Variants in KIAA1549 observed in about 807,000 individuals in gnomAD.
KIAA1549 encodes the protein KIAA1549, also known as UPF0606 protein KIAA1549.
Under a neutral mutation model 156.4 loss-of-function variants are expected in KIAA1549, and 70 were observed. The ratio of observed to expected loss-of-function variants is 0.45; its 90% confidence interval spans 0.37 to 0.55. The LOEUF is 0.55. KIAA1549 is among the 20% of genes least tolerant of loss of function. KIAA1549 has a pLI of 0.00. For synonymous variants in KIAA1549, 1,103 were observed against 1,066.4 expected (o/e 1.03, Z -0.67); for missense variants, 2,428 against 2,540.9 (o/e 0.96, Z 0.96).
intron 12 of KIAA1549, among the ~76,000 whole-genome samples, chr7:138,876,982 A>AAT (rs1296642020): frequency 6.6e-6 from 1 of 152,166 alleles, no homozygotes. Flanking sequence ...GTGGGTCCTT[A>AAT]ATATGCCACA....
At chr7:138,914,283 C>A (rs1024739326) in intron 2 of KIAA1549, among the ~76,000 whole-genome samples, 2 of 152,194 alleles carry the variant, frequency 1.3e-5, no homozygotes, top group East Asian at 3.8e-4. Context: ...TATGAGGACA[C>A]CAGTCTTTGG....
chr7:138,943,251 C>G (rs12707405), intron 1 of KIAA1549, among the ~76,000 whole-genome samples: 1 of 151,918 alleles, frequency 6.6e-6, no homozygotes, highest in Admixed American at 6.6e-5. Flanking sequence ...GTGAAGGCGC[C>G]GTTCTCATCT....
chr7:138,901,847 A>C (rs1811852379), intron 8 of KIAA1549, among the ~76,000 whole-genome samples: 1 of 152,218 alleles, frequency 6.6e-6, no homozygotes, highest in Non-Finnish European at 1.5e-5. Context: ...CTCTAAGGGG[A>C]GGAGAAGCAG....
At chr7:138,914,856 C>T (rs893106662) in intron 2 of KIAA1549, among the ~76,000 whole-genome samples, 4 of 152,146 alleles carry the variant, frequency 2.6e-5, no homozygotes, top group African/African-American at 9.7e-5. Flanking sequence ...TAAGTGTACA[C>T]CACATATGAA....
intron 1 of KIAA1549, among the ~76,000 whole-genome samples, chr7:138,921,441 T>C (rs1344977142): frequency 6.6e-6 from 1 of 152,212 alleles, no homozygotes; most frequent in Non-Finnish European, 1.5e-5. Flanking sequence ...CCAATATTCC[T>C]ATGTTGAAAT....
intron 1 of KIAA1549, among the ~76,000 whole-genome samples, chr7:138,927,922 CT>C (rs1200610758): frequency 2.5e-3 from 347 of 139,076 alleles, no homozygotes; most frequent in Middle Eastern, 7.4e-3. Context: ...ATTGTCTTGT[CT>C]TTTTTTTTTT....
In KIAA1549 at chr7:138,869,481, C is replaced by T. The variant is rs1476780199; in HGVS notation, c.4775+57G>A. 14 of 1,351,628 alleles carry T rather than the reference C, an allele frequency of 1.0e-5. No individual in the cohort carries two copies. The South Asian group carries it at 1.8e-4, about 17-fold the overall frequency. The allele number at this position is 1,351,628 out of a possible 1,614,324, so 83.7% of individuals were successfully genotyped here. On this transcript the variant is annotated intron_variant, in intron 14 of 19. Transcript: ENST00000422774. ...GAGGGGCTCCTGTCCTGCTCCTGTG[C>T]CCCCCGCAGCACCTCTGCGCGCCCG...
chr7:138,972,570 C>A (rs78966324), intron 1 of KIAA1549, among the ~76,000 whole-genome samples: 6,884 of 152,060 alleles, frequency 0.045, 199 homozygotes, highest in South Asian at 0.12. Flanking sequence ...CTTTCCCAGA[C>A]ACACTGGAAC....
At chr7:138,868,921 G>T (rs4308681) in intron 14 of KIAA1549, among the ~76,000 whole-genome samples, 1 of 152,154 alleles carries the variant, frequency 6.6e-6, no homozygotes, top group Non-Finnish European at 1.5e-5. Flanking sequence ...GGCCTGCGAC[G>T]GGAGCACAGG....
intron 1 of KIAA1549, among the ~76,000 whole-genome samples, chr7:138,945,414 T>A (rs935853892): frequency 2.0e-5 from 3 of 152,228 alleles, no homozygotes; most frequent in African/African-American, 7.2e-5. Flanking sequence ...GTCTAAGTAC[T>A]ACCTCTGGGT....
intron 15 of KIAA1549, among the ~76,000 whole-genome samples, chr7:138,863,811 C>G (rs1172236142): frequency 6.6e-6 from 1 of 152,154 alleles, no homozygotes; most frequent in East Asian, 1.9e-4. Context: ...CCATTTCTCC[C>G]AACTGCAACA....
At chr7:138,943,414 C>CAAAT (rs1451636428) in intron 1 of KIAA1549, among the ~76,000 whole-genome samples, 3 of 152,190 alleles carry the variant, frequency 2.0e-5, no homozygotes, top group African/African-American at 7.2e-5. Context: ...AAACACCACC[C>CAAAT]AAATGAATAA....
intron 1 of KIAA1549, among the ~76,000 whole-genome samples, chr7:138,945,442 TTCA>T (rs1455425740): frequency 6.6e-6 from 1 of 152,244 alleles, no homozygotes; most frequent in African/African-American, 2.4e-5. Flanking sequence ...ATCTGCTGTG[TTCA>T]GCTCTCAGCT....
rs1049859598 is a variant in KIAA1549, at chr7:138,837,867, A to T, written c.*39T>A. On this transcript the variant is annotated 3_prime_UTR_variant, in exon 20 of 20. Coordinates refer to ENST00000422774, the MANE Select transcript of KIAA1549 (RefSeq NM_001164665.2). ...GATTTCCTTTTGGTCTTGCTTCCAC[A>T]GGAAGCGGATACTTGGCAAATCTGC... 13 of 1,597,300 alleles carry T rather than the reference A, an allele frequency of 8.1e-6. No homozygotes were observed. Among genetic ancestry groups the T allele is most frequent in the Non-Finnish European group, 9.4e-6 (11 of 1,171,386 alleles).
chr7:138,894,481 T>C lies in KIAA1549; in HGVS notation c.3893A>G (p.Asn1298Ser), dbSNP rs748671904. The change falls in exon 10 of 20, where the codon AAC becomes AGC. Residue 1298 changes from asparagine (N) to serine (S), a missense_variant. Physicochemically the swap from Asn to Ser is conservative, Grantham distance 46. This residue lies in a region of KIAA1549 where 762 missense variants were observed against 901.6 expected (regional missense o/e 0.85). Transcript: ENST00000422774. ...GACCACGCCAACAATGACCCACAAG[T>C]TGTTGCTCTGGGATTCCGGAGACGG... ...KRPSPESQSN[N>S]LWVIVGVVIP... 5.5e-5 allele frequency: 88 copies of C among 1,613,970 alleles called. No homozygotes were observed. Among genetic ancestry groups the C allele is most frequent in the Non-Finnish European group, 6.3e-5 (74 of 1,179,886 alleles).
At chr7:138,927,977 G>C (rs1812769773) in intron 1 of KIAA1549, among the ~76,000 whole-genome samples, 1 of 150,436 alleles carries the variant, frequency 6.6e-6, no homozygotes, top group Non-Finnish European at 1.5e-5. Context: ...CTGGAGTGCA[G>C]TGGTGCGATC....
intron 1 of KIAA1549, among the ~76,000 whole-genome samples, chr7:138,946,883 G>A (rs754554365): frequency 6.6e-6 from 1 of 152,192 alleles, no homozygotes; most frequent in Admixed American, 6.5e-5. Context: ...CTCTGCAGGT[G>A]AGACTGCCCA....
rs182150883 is a variant in KIAA1549, at chr7:138,835,436, T to C, written c.*2470A>G. On this transcript the variant is annotated 3_prime_UTR_variant, in exon 20 of 20. Coordinates refer to ENST00000422774, the MANE Select transcript of KIAA1549 (RefSeq NM_001164665.2). Reference sequence around the variant, plus strand: ...TAAAAATACAGTTAAAATCCCTTTATGGTAGTTTGAAAGACATCAAAATTG... The same window carrying C: ...TAAAAATACAGTTAAAATCCCTTTACGGTAGTTTGAAAGACATCAAAATTG... 4.2e-5 allele frequency: 9 copies of C among 214,328 alleles called. No individual in the cohort carries two copies. The highest frequency in any genetic ancestry group is 2.1e-4 in the East Asian group (3 of 14,356). 13.3% of individuals were successfully genotyped at this position (214,328 alleles called of 1,614,324 possible).
At chr7:138,903,449 C>T (rs1811899106) in intron 8 of KIAA1549, 139 bp downstream of exon 8, 20 of 842,138 alleles carry the variant, frequency 2.4e-5, no homozygotes, top group Admixed American at 6.0e-5. Flanking sequence ...CCCAATATAG[C>T]GATCAGTGGA....
Sources: allele counts gnomAD v4.1 joint callset (sites outside exome capture counted in the v4.1 genomes callset), GRCh38; gene constraint gnomAD v4.1.1; regional missense constraint gnomAD v4.1.1; transcripts MANE v1.5; gene names NCBI Gene and HGNC (gene_info 2026-07-23, HGNC 2026-07-21).